CNTN4: variants seen among roughly 807,000 people sequenced by gnomAD.
CNTN4 encodes the protein contactin 4, also known as contactin-4.
Under a neutral mutation model 122.5 loss-of-function variants are expected in CNTN4, and 77 were observed. The ratio of observed to expected loss-of-function variants is 0.63; its 90% CI spans 0.52 to 0.76. The LOEUF (loss-of-function observed/expected upper bound fraction) is 0.76, where lower values mean the gene tolerates loss of function less well. Among genes scored for constraint, CNTN4 ranks in the 30% least tolerant of loss-of-function variants. CNTN4 has a pLI of 0.00. For missense variants in CNTN4, 1,256 were observed against 1,259.1 expected (o/e 1.00, Z 0.04); for synonymous variants, 512 against 447.0 (o/e 1.15, Z -1.83).
intron 2 of CNTN4, among the ~76,000 whole-genome samples, chr3:2,125,272 A>G (rs185112825): frequency 1.3e-5 from 2 of 151,810 alleles, no homozygotes; most frequent in African/African-American, 4.8e-5. Context: ...AGGTACATGT[A>G]TGTTGTCACA....
intron 3 of CNTN4, among the ~76,000 whole-genome samples, chr3:2,563,716 C>A (rs1049500378): frequency 6.6e-6 from 1 of 152,090 alleles, no homozygotes; most frequent in African/African-American, 2.4e-5. Flanking sequence ...CCATTCATGT[C>A]TGTTTTTCAA....
intron 13 of CNTN4, among the ~76,000 whole-genome samples, chr3:2,936,046 C>A (rs2094564964): frequency 6.6e-6 from 1 of 152,192 alleles, no homozygotes; most frequent in Admixed American, 6.5e-5. Context: ...TTGAGAAAAG[C>A]ATTCCATGGC....
At chr3:3,037,554 A>C (rs1397103754) in intron 18 of CNTN4, 2 of 575,048 alleles carry the variant, frequency 3.5e-6, no homozygotes, top group Non-Finnish European at 6.3e-6. Flanking sequence ...GTACAGCAAG[A>C]GACACACGGT....
At chr3:2,684,337 T>G (rs1316686386) in intron 4 of CNTN4, among the ~76,000 whole-genome samples, 3 of 152,074 alleles carry the variant, frequency 2.0e-5, no homozygotes, top group African/African-American at 7.2e-5. Context: ...CAGCTGAGAA[T>G]CCTGGACAGC....
At chr3:2,625,823 G>C (rs1326632648) in intron 4 of CNTN4, among the ~76,000 whole-genome samples, 1 of 152,106 alleles carries the variant, frequency 6.6e-6, no homozygotes, top group East Asian at 1.9e-4. Flanking sequence ...ATTCTAACAA[G>C]TAGAGTTGAC....
intron 4 of CNTN4, among the ~76,000 whole-genome samples, chr3:2,651,088 G>A (rs1168876889): frequency 6.6e-6 from 1 of 152,154 alleles, no homozygotes; most frequent in Non-Finnish European, 1.5e-5. Flanking sequence ...AAGTTTATAT[G>A]TCAAAAAGAC....
intron 3 of CNTN4, among the ~76,000 whole-genome samples, chr3:2,400,431 ATATATATATATATATATATC>A (rs1292242424): frequency 4.9e-4 from 9 of 18,348 alleles, no homozygotes; most frequent in Admixed American, 3.1e-3. Flanking sequence ...ATATATACAT[ATATATATATATATATATATC>A]TCTTTTTTTC....
At position 2,287,700 on chromosome 3, in the gene CNTN4, GAAGAAGAAGAGGAA is replaced by G. The variant is rs2041976529; in HGVS notation, c.-144-51477_-144-51464del. Among the ~76,000 whole-genome samples, 213 of 78,404 alleles carry G rather than the reference GAAGAAGAAGAGGAA, an allele frequency of 2.7e-3. 5 individuals carry two copies. Among genetic ancestry groups the G allele is most frequent in the Non-Finnish European group, 3.1e-3 (122 of 38,772 alleles). The allele number at this position is 78,404 out of a possible 152,430, so 51.4% of individuals were successfully genotyped here. On this transcript the variant is annotated intron_variant, in intron 2 of 24. Coordinates refer to ENST00000418658, the MANE Select transcript of CNTN4 (RefSeq NM_175607.3). ...AGAAGAAGAAGAAGAAGAGGAAGAA[GAAGAAGAAGAGGAA>G]GAAGAAGAAGAAGAAGAAGAAGAAG...
chr3:3,054,105 C>T (rs905553035), intron 24 of CNTN4, 130 bp downstream of exon 24: 28 of 965,750 alleles, frequency 2.9e-5, no homozygotes, highest in East Asian at 5.2e-5. Flanking sequence ...ACACTACCCC[C>T]CTTCTCCAGA....
chr3:2,801,410 C>T (rs565485146), intron 6 of CNTN4, among the ~76,000 whole-genome samples: 1 of 152,266 alleles, frequency 6.6e-6, no homozygotes, highest in East Asian at 1.9e-4. Context: ...TTCCAATTAA[C>T]ACTAATCAAG....
At chr3:2,296,391 A>G (rs980195040) in intron 2 of CNTN4, among the ~76,000 whole-genome samples, 6 of 152,156 alleles carry the variant, frequency 3.9e-5, no homozygotes, top group African/African-American at 1.4e-4. Flanking sequence ...GAGGTCCTTT[A>G]CATCCCTTGT....
At chr3:2,106,157 A>G (rs923615339) in intron 2 of CNTN4, among the ~76,000 whole-genome samples, 2 of 152,138 alleles carry the variant, frequency 1.3e-5, no homozygotes, top group Admixed American at 6.5e-5. Context: ...TCCCCTCCCA[A>G]CTGCTTTCAT....
intron 2 of CNTN4, among the ~76,000 whole-genome samples, chr3:2,264,313 G>A (rs1317065782): frequency 6.6e-6 from 1 of 152,056 alleles, no homozygotes; most frequent in East Asian, 1.9e-4. Flanking sequence ...GCTGTTCTAA[G>A]TGGGGTGAGG....
At chr3:2,276,806 C>G (rs2041526954) in intron 2 of CNTN4, among the ~76,000 whole-genome samples, 1 of 152,060 alleles carries the variant, frequency 6.6e-6, no homozygotes, top group Non-Finnish European at 1.5e-5. Context: ...ATCCCAGCTA[C>G]TCAGGAGGCT....
intron 6 of CNTN4, among the ~76,000 whole-genome samples, chr3:2,758,422 G>C (rs1576679731): frequency 6.6e-6 from 1 of 151,558 alleles, no homozygotes; most frequent in South Asian, 2.1e-4. Context: ...ATTAGGAAGA[G>C]CCCTCCAATA....
chr3:2,705,035 G>GTA (rs1345391585), intron 4 of CNTN4, among the ~76,000 whole-genome samples: 1 of 151,560 alleles, frequency 6.6e-6, no homozygotes, highest in Non-Finnish European at 1.5e-5. Flanking sequence ...ACATATGTGT[G>GTA]TATATATATA....
chr3:2,869,726 C>T (rs896766367), intron 8 of CNTN4, among the ~76,000 whole-genome samples: 5 of 152,096 alleles, frequency 3.3e-5, no homozygotes, highest in African/African-American at 7.2e-5. Flanking sequence ...CGTTTTCATC[C>T]GACTTTGTAC....
At chr3:2,337,596 T>G (rs895821039) in intron 2 of CNTN4, among the ~76,000 whole-genome samples, 3 of 152,124 alleles carry the variant, frequency 2.0e-5, no homozygotes, top group Non-Finnish European at 4.4e-5. Context: ...ATCACATGAT[T>G]AGTAATAAAT....
intron 4 of CNTN4, among the ~76,000 whole-genome samples, chr3:2,658,937 G>T (rs2083726428): frequency 1.4e-5 from 2 of 143,322 alleles, no homozygotes; most frequent in African/African-American, 5.2e-5. Context: ...ATGTGGACAT[G>T]CAAATAACAC....
Sources: gnomAD v4.1 joint callset for allele counts (sites outside exome capture counted in the v4.1 genomes callset) on GRCh38, gnomAD v4.1.1 for gene constraint, MANE v1.5 for transcripts, NCBI Gene and HGNC (gene_info 2026-07-23, HGNC 2026-07-21) for gene names.